Variants in SDK1 observed in about 807,000 individuals in gnomAD.
SDK1 encodes sidekick cell adhesion molecule 1, also known as protein sidekick-1.
SDK1 carries 157 observed loss-of-function variants against 245.5 expected under a neutral mutation model. The observed-to-expected ratio is 0.64, with a 90% CI of 0.56 to 0.73. SDK1 has a LOEUF of 0.73. SDK1 is among the 30% of genes least tolerant of loss of function. The pLI is 0.00. For missense variants in SDK1, 3,583 were observed against 3,002.3 expected (o/e 1.19, Z -4.52); for synonymous variants, 1,647 against 1,278.5 (o/e 1.29, Z -6.15).
intron 38 of SDK1, among the ~76,000 whole-genome samples, chr7:4,213,478 G>A (rs182936637): frequency 4.0e-5 from 6 of 151,862 alleles, no homozygotes; most frequent in African/African-American, 9.7e-5. Flanking sequence ...CCAGTTACTC[G>A]GGAGGCTGAG....
At chr7:4,043,505 G>A (rs1384017948) in intron 17 of SDK1, among the ~76,000 whole-genome samples, 5 of 152,234 alleles carry the variant, frequency 3.3e-5, no homozygotes, top group African/African-American at 9.6e-5. Flanking sequence ...GTGAGAGCTC[G>A]TGATTTTAGG....
chr7:4,153,917 G>A (rs564392536), intron 30 of SDK1, among the ~76,000 whole-genome samples: 1 of 151,978 alleles, frequency 6.6e-6, no homozygotes, highest in Non-Finnish European at 1.5e-5. Context: ...CTGGCCTCAA[G>A]TGATCCTCTC....
chr7:3,403,863 AT>A (rs1562466211), intron 1 of SDK1, among the ~76,000 whole-genome samples: 47 of 99,982 alleles, frequency 4.7e-4, no homozygotes, highest in East Asian at 1.9e-3. Flanking sequence ...ATATATATAT[AT>A]ATATAATATA....
intron 1 of SDK1, among the ~76,000 whole-genome samples, chr7:3,484,019 A>T (rs1299268576): frequency 6.6e-6 from 1 of 152,110 alleles, no homozygotes; most frequent in East Asian, 1.9e-4. Context: ...GGTAATTGGG[A>T]TATCTGTCAC....
intron 4 of SDK1, among the ~76,000 whole-genome samples, chr7:3,645,778 A>G (rs560391675): frequency 2.0e-5 from 3 of 152,292 alleles, no homozygotes; most frequent in African/African-American, 7.2e-5. Context: ...ACCCACAGAG[A>G]TGCCATTTAA....
intron 35 of SDK1, among the ~76,000 whole-genome samples, chr7:4,204,520 C>T (rs116980031): frequency 0.023 from 3,436 of 149,648 alleles, 56 homozygotes; most frequent in Non-Finnish European, 0.036. Context: ...GGGGAGAGAG[C>T]AGAAAGTGGG....
At chr7:3,455,816 C>T (rs1281521347) in intron 1 of SDK1, among the ~76,000 whole-genome samples, 2 of 152,166 alleles carry the variant, frequency 1.3e-5, no homozygotes, top group African/African-American at 4.8e-5. Context: ...TGTAAAAAAA[C>T]TTTGCTGAGA....
intron 5 of SDK1, among the ~76,000 whole-genome samples, chr7:3,879,157 G>C (rs996570305): frequency 6.6e-6 from 1 of 151,988 alleles, no homozygotes; most frequent in Non-Finnish European, 1.5e-5. Flanking sequence ...GTTTTAAAAC[G>C]ATCCACACCA....
chr7:3,554,748 T>A (rs1311996696), intron 1 of SDK1, among the ~76,000 whole-genome samples: 2 of 152,110 alleles, frequency 1.3e-5, no homozygotes, highest in South Asian at 2.1e-4. Context: ...AGTTGCTGAA[T>A]ACAAAATTAA....
At chr7:3,779,964 T>C (rs1429037491) in intron 4 of SDK1, among the ~76,000 whole-genome samples, 2 of 141,660 alleles carry the variant, frequency 1.4e-5, no homozygotes, top group African/African-American at 5.3e-5. Context: ...AAAAAAAAGA[T>C]GATGAGCATG....
intron 5 of SDK1, among the ~76,000 whole-genome samples, chr7:3,924,267 A>G (rs956485124): frequency 6.6e-6 from 1 of 152,060 alleles, no homozygotes; most frequent in Non-Finnish European, 1.5e-5. Flanking sequence ...GAAGGAGAGG[A>G]TGAGTTAGGA....
At chr7:3,757,096 A>G (rs1008699247) in intron 4 of SDK1, among the ~76,000 whole-genome samples, 9 of 152,282 alleles carry the variant, frequency 5.9e-5, no homozygotes, top group Admixed American at 4.6e-4. Flanking sequence ...CAACTGAATT[A>G]CAAAACCAAC....
At chr7:3,606,381 A>G (rs1781426375) in intron 1 of SDK1, among the ~76,000 whole-genome samples, 1 of 152,206 alleles carries the variant, frequency 6.6e-6, no homozygotes, top group African/African-American at 2.4e-5. Context: ...GCCCAGTTGC[A>G]TCAGGGTTGA....
At chr7:3,698,190 C>G (rs1414696902) in intron 4 of SDK1, among the ~76,000 whole-genome samples, 1 of 152,170 alleles carries the variant, frequency 6.6e-6, no homozygotes, top group East Asian at 1.9e-4. Flanking sequence ...CTGCTATAGC[C>G]AAATACTACC....
chr7:4,056,809 G>A (rs1779232936), intron 19 of SDK1, among the ~76,000 whole-genome samples: 1 of 152,096 alleles, frequency 6.6e-6, no homozygotes, highest in Non-Finnish European at 1.5e-5. Flanking sequence ...TCCGCCGTGG[G>A]TCCCACCAGA....
intron 44 of SDK1, 33 bp downstream of exon 44, chr7:4,245,838 C>T (rs1206198741): frequency 6.2e-7 from 1 of 1,612,226 alleles, no homozygotes; most frequent in Admixed American, 1.7e-5. Flanking sequence ...GGGCAGTGAC[C>T]ATCAGCCCCT....
chr7:3,837,769 A>G (rs948315928), intron 5 of SDK1, among the ~76,000 whole-genome samples: 1 of 132,650 alleles, frequency 7.5e-6, no homozygotes, highest in Admixed American at 7.2e-5. Flanking sequence ...GTGAATTTAT[A>G]ATTTAATTTA....
At chr7:3,469,006 A>C (rs1781098640) in intron 1 of SDK1, among the ~76,000 whole-genome samples, 1 of 152,218 alleles carries the variant, frequency 6.6e-6, no homozygotes, top group Non-Finnish European at 1.5e-5. Flanking sequence ...TCTTATTAAC[A>C]ACGTGTTAGG....
At chr7:4,073,740 G>A (rs1216931923) in intron 20 of SDK1, among the ~76,000 whole-genome samples, 1 of 152,146 alleles carries the variant, frequency 6.6e-6, no homozygotes, top group African/African-American at 2.4e-5. Context: ...GGAGGAGGAG[G>A]CGCTTTGAGA....
Sources: allele counts gnomAD v4.1 joint callset (sites outside exome capture counted in the v4.1 genomes callset), GRCh38; gene constraint gnomAD v4.1.1; transcripts MANE v1.5; gene names NCBI Gene and HGNC (gene_info 2026-07-23, HGNC 2026-07-21).